The following BIRC6 variants were observed in gnomAD, a reference collection of about 807,000 sequenced individuals.
BIRC6 encodes dual E2 ubiquitin-conjugating enzyme/E3 ubiquitin-protein ligase BIRC6.
In BIRC6, 98 loss-of-function variants were observed where a neutral mutation model predicts 503.3. The observed-to-expected ratio is 0.19, with a 90% CI of 0.17 to 0.23. The LOEUF (loss-of-function observed/expected upper bound fraction) is 0.23, where lower values mean the gene tolerates loss of function less well. Ranked by LOEUF, BIRC6 falls within the 10% of genes least tolerant of loss-of-function variation. BIRC6 has a pLI of 1.00. For missense variants in BIRC6, 5,360 were observed against 5,806.0 expected, an observed-to-expected ratio of 0.92 and a Z score of 2.50; for synonymous variants, 2,240 against 2,078.7, an observed-to-expected ratio of 1.08 and a Z score of -2.11.
intron 21 of BIRC6, among the ~76,000 whole-genome samples, chr2:32,446,170 AAC>A (rs1342569787): frequency 1.3e-5 from 2 of 152,194 alleles, no homozygotes; most frequent in Non-Finnish European, 2.9e-5. Flanking sequence ...ATTACTCTTT[AAC>A]AGTTTGATAA....
In BIRC6 at chr2:32,466,083, T is replaced by A. The variant is rs139733334; in HGVS notation, c.5356+919T>A. Among the ~76,000 whole-genome samples, 1,114 of 152,252 alleles carry A rather than the reference T, an allele frequency of 7.3e-3. 7 individuals carry two copies. The highest frequency in any genetic ancestry group is 0.014 in the Middle Eastern group (4 of 294). On this transcript the variant is annotated intron_variant, in intron 26 of 73. Transcript: ENST00000421745. ...AGCCTCCTGAGGAGGATAACTATGT[T>A]CTTTCTTTTTTTTTAATAATTTTTC... is the stretch of plus-strand genomic sequence containing the variant.
At chr2:32,358,751 G>A (rs1394464446) in intron 1 of BIRC6, among the ~76,000 whole-genome samples, 2 of 152,230 alleles carry the variant, frequency 1.3e-5, no homozygotes, top group African/African-American at 2.4e-5. Context: ...AGTTGTGAAA[G>A]AATTGGATTA....
intron 9 of BIRC6, among the ~76,000 whole-genome samples, chr2:32,412,506 C>G (rs201106345): frequency 7.0e-6 from 1 of 143,762 alleles, no homozygotes; most frequent in African/African-American, 2.6e-5. Flanking sequence ...TCAAAAAAAA[C>G]AAAAAAAAAG....
intron 62 of BIRC6, 118 bp from the exon 63 acceptor site, chr2:32,545,525 A>C (rs2057997987): frequency 1.2e-6 from 1 of 831,674 alleles, no homozygotes; most frequent in East Asian, 2.5e-5. Flanking sequence ...GGTTTTCTAA[A>C]TAATTTAGTG....
intron 1 of BIRC6, among the ~76,000 whole-genome samples, chr2:32,369,974 A>ATGTATGTATGTGTGTG (rs1558541661): frequency 3.2e-5 from 2 of 62,972 alleles, no homozygotes. Flanking sequence ...ATATATATAT[A>ATGTATGTATGTGTGTG]TATATATATA....
At chr2:32,478,946 AT>A in intron 36 of BIRC6, 128 bp downstream of exon 36, 1 of 842,662 alleles carries the variant, frequency 1.2e-6, no homozygotes, top group Non-Finnish European at 1.8e-6. Flanking sequence ...GGTCTGTTTA[AT>A]CGGTGTGATG....
chr2:32,395,729 C>T (rs2039801270), intron 6 of BIRC6, 136 bp downstream of exon 6: 4 of 651,268 alleles, frequency 6.1e-6, no homozygotes, highest in South Asian at 3.7e-5. Context: ...TGAGAATGAG[C>T]TAGCCCTGTC....
intron 32 of BIRC6, among the ~76,000 whole-genome samples, chr2:32,472,354 C>T (rs561060695): frequency 6.6e-6 from 1 of 152,154 alleles, no homozygotes; most frequent in South Asian, 2.1e-4. Flanking sequence ...CAGATGTGAG[C>T]TACTGCACCT....
intron 1 of BIRC6, among the ~76,000 whole-genome samples, chr2:32,374,197 A>T (rs546205347): frequency 2.6e-4 from 40 of 152,198 alleles, no homozygotes; most frequent in Admixed American, 9.8e-4. Flanking sequence ...TACCACAATT[A>T]AAAAAACTAC....
In BIRC6 at chr2:32,401,388, A is replaced by AT. The variant is rs781072196; in HGVS notation, c.1257+4dup. The AT allele has an allele frequency of 1.9e-6, 3 of 1,613,404 alleles. No individual in the cohort carries two copies. The African/African-American group carries it at 4.0e-5, about 22-fold the overall frequency. On this transcript the variant is annotated splice_donor_region_variant and intron_variant, in intron 7 of 73. Coordinates refer to ENST00000421745, the MANE Select transcript of BIRC6 (RefSeq NM_016252.4). ...GGGATGTTTCCAAACTTATGAAGGT[A>AT]TGTTTGAATTTTGAAGTAACAAATT... is the stretch of plus-strand genomic sequence containing the variant.
At chr2:32,359,067 G>A (rs2033643852) in intron 1 of BIRC6, among the ~76,000 whole-genome samples, 1 of 152,156 alleles carries the variant, frequency 6.6e-6, no homozygotes. Flanking sequence ...TTTACAAATA[G>A]GATTAAAATC....
intron 68 of BIRC6, among the ~76,000 whole-genome samples, chr2:32,596,866 A>G (rs2061710563): frequency 6.6e-6 from 1 of 152,212 alleles, no homozygotes; most frequent in African/African-American, 2.4e-5. Context: ...GAATGTGTTT[A>G]TGGATCCTTA....
intron 15 of BIRC6, among the ~76,000 whole-genome samples, chr2:32,437,661 A>G (rs1348904151): frequency 6.6e-6 from 1 of 152,214 alleles, no homozygotes; most frequent in African/African-American, 2.4e-5. Context: ...TCCTAATCCA[A>G]AAATCCAAAA....
intron 42 of BIRC6, among the ~76,000 whole-genome samples, chr2:32,489,254 T>G (rs2051385683): frequency 1.3e-5 from 2 of 152,060 alleles, no homozygotes; most frequent in Non-Finnish European, 1.5e-5. Context: ...GAGAATCTGT[T>G]CCTGATGCTT....
chr2:32,384,631 C>T (rs1166873406), intron 3 of BIRC6, among the ~76,000 whole-genome samples: 1 of 152,134 alleles, frequency 6.6e-6, no homozygotes, highest in Non-Finnish European at 1.5e-5. Flanking sequence ...TGGGAAATGA[C>T]GTGATATTTG....
At chr2:32,494,268 G>A (rs558871625) in intron 45 of BIRC6, among the ~76,000 whole-genome samples, 20 of 149,040 alleles carry the variant, frequency 1.3e-4, no homozygotes, top group Non-Finnish European at 2.5e-4. Flanking sequence ...TCGCTCTGTC[G>A]CCAGGCTGGA....
chr2:32,596,927 A>T (rs2061713211), intron 68 of BIRC6, among the ~76,000 whole-genome samples: 1 of 152,218 alleles, frequency 6.6e-6, no homozygotes, highest in South Asian at 2.1e-4. Flanking sequence ...ATTTAGAATC[A>T]TATGTCCAGA....
chr2:32,533,737 A>G (rs949772267), intron 61 of BIRC6, among the ~76,000 whole-genome samples: 1 of 152,202 alleles, frequency 6.6e-6, no homozygotes, highest in Non-Finnish European at 1.5e-5. Context: ...AGAGCCATGG[A>G]ACGTAAGTAG....
At chr2:32,373,663 A>G (rs1254626280) in intron 1 of BIRC6, among the ~76,000 whole-genome samples, 1 of 152,222 alleles carries the variant, frequency 6.6e-6, no homozygotes, top group Non-Finnish European at 1.5e-5. Context: ...TGCAGCCATT[A>G]TGGGAGATGG....
Sources: gnomAD v4.1 joint callset for allele counts (sites outside exome capture counted in the v4.1 genomes callset) on GRCh38, gnomAD v4.1.1 for gene constraint, MANE v1.5 for transcripts, NCBI Gene and HGNC (gene_info 2026-07-23, HGNC 2026-07-21) for gene names.